Variants in ARHGEF10 observed in about 807,000 individuals in gnomAD.
The protein encoded by ARHGEF10 is Rho guanine nucleotide exchange factor 10, also known as Rho guanine nucleotide exchange factor (GEF) 10.
A neutral mutation model predicts 147.4 loss-of-function variants in ARHGEF10; 140 were observed. That is an observed-to-expected ratio of 0.95 (90% CI 0.83 to 1.09). The LOEUF is 1.09. ARHGEF10 is among the 50% of genes least tolerant of loss of function. ARHGEF10 has a pLI of 0.00. For missense variants in ARHGEF10, 2,222 were observed against 1,752.7 expected (o/e 1.27, Z -4.78); for synonymous variants, 902 against 695.8 (o/e 1.30, Z -4.67).
rs1251813920 is a variant in ARHGEF10 at position 1,929,285 on chromosome 8, G to C, written c.2922-1G>C. The C allele has an allele frequency of 6.2e-7, 1 of 1,614,068 alleles. No individual in the cohort carries two copies. On this transcript the variant is annotated splice_acceptor_variant, in intron 24 of 28. Coordinates refer to ENST00000349830, the MANE Select transcript of ARHGEF10 (RefSeq NM_014629.4). LOFTEE classifies it high-confidence loss of function. ...TATTAGCTTGTATTTTTCTCTTAAAGCATTTCCATTTATAAAAGCAGTCAA... is the reference window on the plus strand; with the variant it reads ...TATTAGCTTGTATTTTTCTCTTAAACCATTTCCATTTATAAAAGCAGTCAA...
At chr8:1,926,953 C>G (rs1173062132) in intron 23 of ARHGEF10, 4 of 247,218 alleles carry the variant, frequency 1.6e-5, no homozygotes, top group Admixed American at 1.0e-4. Flanking sequence ...AGGCTCTCCC[C>G]TCTCTGGTTT....
chr8:1,895,445 G>A (rs1247783833), intron 13 of ARHGEF10, among the ~76,000 whole-genome samples: 1 of 152,120 alleles, frequency 6.6e-6, no homozygotes, highest in Non-Finnish European at 1.5e-5. Context: ...ATATGTACTT[G>A]ATGAGGTCTA....
chr8:1,842,747 G>T (rs943104021), intron 1 of ARHGEF10, among the ~76,000 whole-genome samples: 1 of 152,218 alleles, frequency 6.6e-6, no homozygotes, highest in Non-Finnish European at 1.5e-5. Context: ...CCCGGGACTC[G>T]CTGGCATCTA....
intron 2 of ARHGEF10, among the ~76,000 whole-genome samples, chr8:1,847,975 C>T (rs148708291): frequency 8.1e-4 from 123 of 152,336 alleles, no homozygotes; most frequent in African/African-American, 2.8e-3. Flanking sequence ...GGACTTGGAA[C>T]AGTCAGAGCG....
At chr8:1,872,963 A>G (rs138685582) in intron 7 of ARHGEF10, among the ~76,000 whole-genome samples, 102 of 150,044 alleles carry the variant, frequency 6.8e-4, no homozygotes, top group African/African-American at 2.4e-3. Context: ...ACAAGTTTGA[A>G]ATGCATTTTG....
intron 2 of ARHGEF10, among the ~76,000 whole-genome samples, chr8:1,845,753 C>T (rs930902448): frequency 2.6e-5 from 4 of 152,224 alleles, no homozygotes; most frequent in African/African-American, 9.6e-5. Flanking sequence ...AAATGCCCAT[C>T]CACCCATGGT....
At chr8:1,910,391 C>T (rs535446186) in intron 18 of ARHGEF10, among the ~76,000 whole-genome samples, 3 of 152,210 alleles carry the variant, frequency 2.0e-5, no homozygotes, top group African/African-American at 7.2e-5. Context: ...TTTCTCATTC[C>T]CCTGATGTTA....
chr8:1,832,931 C>CAGAGACAGGCAGAG (rs1554465660), intron 1 of ARHGEF10, among the ~76,000 whole-genome samples: 1 of 90,382 alleles, frequency 1.1e-5, no homozygotes, highest in African/African-American at 4.6e-5. Flanking sequence ...GAGACAGAGG[C>CAGAGACAGGCAGAG]AGAGACAGAA....
In ARHGEF10 at chr8:1,957,170, C is replaced by T. The variant is rs1031762152; in HGVS notation, c.3942C>T (p.Gly1314=). 5 of 1,612,534 alleles carry T rather than the reference C, an allele frequency of 3.1e-6. No individual in the cohort carries two copies. The East Asian group carries it at 8.9e-5, about 29-fold the overall frequency. The change falls in exon 29 of 29, where the codon GGC becomes GGT. Residue 1314 remains glycine, a synonymous_variant. Transcript: ENST00000349830. ...CGCTGGTGGTCTGTGGAGGGCAGGG[C>T]CACCGCCGGGTGCACAGGAAGGCCC... The part of the protein sequence containing the change: ...SSALVVCGGQ[G]HRRVHRKARQ...
chr8:1,933,738 C>A, intron 25 of ARHGEF10, 62 bp from the exon 26 acceptor site: 2 of 1,593,498 alleles, frequency 1.3e-6, no homozygotes, highest in Non-Finnish European at 1.7e-6. Flanking sequence ...TGTATGACCC[C>A]ATTTTCCCAT....
intron 7 of ARHGEF10, among the ~76,000 whole-genome samples, chr8:1,873,187 C>G (rs997590350): frequency 1.3e-5 from 2 of 152,188 alleles, no homozygotes; most frequent in African/African-American, 4.8e-5. Flanking sequence ...GAAACTCACG[C>G]CGCCGCAGGA....
intron 26 of ARHGEF10, among the ~76,000 whole-genome samples, chr8:1,939,786 G>A (rs968511513): frequency 2.0e-5 from 3 of 152,232 alleles, no homozygotes; most frequent in Non-Finnish European, 2.9e-5. Context: ...AAGGAGCTTA[G>A]GTCCTGTCAC....
chr8:1,896,192 G>A (rs1809956563), intron 13 of ARHGEF10, 141 bp from the exon 14 acceptor site: 1 of 809,056 alleles, frequency 1.2e-6, no homozygotes, highest in African/African-American at 1.7e-5. Context: ...AAATCACACA[G>A]TCATAATAAA....
intron 17 of ARHGEF10, among the ~76,000 whole-genome samples, chr8:1,907,118 T>G (rs1345199348): frequency 1.3e-5 from 2 of 152,190 alleles, no homozygotes; most frequent in African/African-American, 4.8e-5. Context: ...ACTCCAGGTG[T>G]GGGCTGCTCT....
chr8:1,878,889 G>A (rs1807933772), intron 8 of ARHGEF10, among the ~76,000 whole-genome samples: 1 of 152,188 alleles, frequency 6.6e-6, no homozygotes, highest in Admixed American at 6.5e-5. Context: ...CAACCCGGGA[G>A]CGCTGGGCTC....
In ARHGEF10 at chr8:1,885,512, A is replaced by G. The variant is rs539437276; in HGVS notation, c.1076-89A>G. ...TGGAAAATTGAAAGGTCTACACAAAATATTTATTTGACTTTTTTTTACTGT... is the reference window on the plus strand; with the variant it reads ...TGGAAAATTGAAAGGTCTACACAAAGTATTTATTTGACTTTTTTTTACTGT... On this transcript the variant is annotated intron_variant, in intron 10 of 28. Transcript: ENST00000349830. The G allele has an allele frequency of 2.5e-5, 24 of 945,596 alleles. No individual in the cohort carries two copies. The East Asian group carries it at 6.0e-4, about 24-fold the overall frequency. The allele number at this position is 945,596 out of a possible 1,614,324, so 58.6% of individuals were successfully genotyped here. A position where few individuals can be genotyped will look rare whatever the true frequency, so the allele number is the denominator to read the frequency against.
intron 1 of ARHGEF10, among the ~76,000 whole-genome samples, chr8:1,840,446 C>A (rs1803934909): frequency 1.4e-5 from 2 of 142,108 alleles, no homozygotes; most frequent in Non-Finnish European, 1.5e-5. Context: ...TGGGGACTGT[C>A]CGGTGTGGAA....
At chr8:1,896,806 CG>C (rs1237244683) in intron 14 of ARHGEF10, among the ~76,000 whole-genome samples, 2 of 152,112 alleles carry the variant, frequency 1.3e-5, no homozygotes, top group African/African-American at 2.4e-5. Context: ...TCTTTGGGAT[CG>C]GGGAGAGGCA....
At chr8:1,864,320 A>T in intron 4 of ARHGEF10, 53 bp from the exon 5 acceptor site, 1 of 1,566,970 alleles carries the variant, frequency 6.4e-7, no homozygotes, top group East Asian at 2.2e-5. Context: ...CATCAACTTC[A>T]TGAGCATTTT....
Sources: allele counts gnomAD v4.1 joint callset (sites outside exome capture counted in the v4.1 genomes callset), GRCh38; gene constraint gnomAD v4.1.1; transcripts MANE v1.5; gene names NCBI Gene and HGNC (gene_info 2026-07-23, HGNC 2026-07-21).